SORCS2: variants seen among roughly 807,000 people sequenced by gnomAD.
SORCS2 encodes the protein sortilin related VPS10 domain containing receptor 2.
In SORCS2, 100 loss-of-function variants were observed where a neutral mutation model predicts 141.6. The ratio of observed to expected loss-of-function variants is 0.71; its 90% CI spans 0.60 to 0.83. The LOEUF (loss-of-function observed/expected upper bound fraction) is 0.83, where lower values mean the gene tolerates loss of function less well. Ranked by LOEUF, SORCS2 falls within the 40% of genes least tolerant of loss-of-function variation. The probability of loss-of-function intolerance (pLI) is 0.00; values close to 1 mark genes in which losing one functional copy is unlikely to be tolerated. For synonymous variants in SORCS2, 789 were observed against 676.9 expected (o/e 1.17, Z -2.57); for missense variants, 1,646 against 1,560.2 (o/e 1.05, Z -0.93).
intron 14 of SORCS2, among the ~76,000 whole-genome samples, chr4:7,712,330 C>T (rs995382273): frequency 1.3e-5 from 2 of 152,362 alleles, no homozygotes; most frequent in East Asian, 3.9e-4. Context: ...CAGACAGCTG[C>T]AGATGCAGCC....
At chr4:7,574,727 T>C (rs1298847831) in intron 3 of SORCS2, among the ~76,000 whole-genome samples, 2 of 152,300 alleles carry the variant, frequency 1.3e-5, no homozygotes, top group East Asian at 3.9e-4. Flanking sequence ...CAGGGCCTTT[T>C]AGGTCAACCC....
At position 7,286,261 on chromosome 4, in the gene SORCS2, A is replaced by G. The variant is rs576780764; in HGVS notation, c.480+93135A>G. Among the ~76,000 whole-genome samples the G allele has an allele frequency of 5.8e-4, 88 of 152,266 alleles. No individual in the cohort carries two copies. The highest frequency in any genetic ancestry group is 1.9e-3 in the African/African-American group (81 of 41,558). ...GCACAGCCTCATGGTGTCTCCGTAGAAAGAAGATAGAGGATGTGGGAGCCT... is the reference window on the plus strand; with the variant it reads ...GCACAGCCTCATGGTGTCTCCGTAGGAAGAAGATAGAGGATGTGGGAGCCT... On this transcript the variant is annotated intron_variant, in intron 1 of 26. Coordinates refer to ENST00000507866, the MANE Select transcript of SORCS2 (RefSeq NM_020777.3). This position sits in a 1 kb window ranked among gnomAD's most constrained non-coding sequence, Gnocchi z 4.1.
intron 1 of SORCS2, among the ~76,000 whole-genome samples, chr4:7,216,999 C>T (rs1044199962): frequency 7.2e-5 from 11 of 152,186 alleles, no homozygotes; most frequent in Non-Finnish European, 1.5e-4. Flanking sequence ...TGGCGGTTCC[C>T]GTGGCTCTTC....
At chr4:7,312,963 C>G (rs748528638) in intron 1 of SORCS2, among the ~76,000 whole-genome samples, 2 of 152,258 alleles carry the variant, frequency 1.3e-5, no homozygotes, top group Non-Finnish European at 2.9e-5. Context: ...TGATAGCTGG[C>G]TCCAGGGGAC....
chr4:7,674,722 C>G (rs193160866), intron 8 of SORCS2, among the ~76,000 whole-genome samples: 1 of 151,844 alleles, frequency 6.6e-6, no homozygotes, highest in South Asian at 2.1e-4. Context: ...CCCTGAGCCA[C>G]CTGCCAGGGC....
In SORCS2 at chr4:7,423,231, A is replaced by G. The variant is rs536021405; in HGVS notation, c.548+26876A>G. On this transcript the variant is annotated intron_variant, in intron 2 of 26. Coordinates refer to ENST00000507866, the MANE Select transcript of SORCS2 (RefSeq NM_020777.3). ...TAACCGCTCAGGCCTTAAATGCATTATTGCTGATGATATTATTTTAATGCA... is the reference window on the plus strand; with the variant it reads ...TAACCGCTCAGGCCTTAAATGCATTGTTGCTGATGATATTATTTTAATGCA... 2.0e-5 allele frequency among the ~76,000 whole-genome samples: 3 copies of G among 152,024 alleles called. No individual in the cohort carries two copies. The East Asian group carries it at 5.8e-4, about 29-fold the overall frequency.
chr4:7,558,092 G>A (rs895994473), intron 3 of SORCS2, among the ~76,000 whole-genome samples: 1 of 152,308 alleles, frequency 6.6e-6, no homozygotes, highest in East Asian at 1.9e-4. Flanking sequence ...CTCTGTCACT[G>A]CCCACTGTGC....
chr4:7,575,589 T>G (rs1715696269), intron 3 of SORCS2, among the ~76,000 whole-genome samples: 1 of 152,218 alleles, frequency 6.6e-6, no homozygotes, highest in Non-Finnish European at 1.5e-5. Context: ...GCAATAACAG[T>G]GCCAAGTATC....
chr4:7,391,057 CCG>C, intron 1 of SORCS2, among the ~76,000 whole-genome samples: 1 of 152,278 alleles, frequency 6.6e-6, no homozygotes, highest in Middle Eastern at 3.4e-3. Context: ...GGAGACCCTC[CCG>C]CAGTCTCCAA....
intron 2 of SORCS2, among the ~76,000 whole-genome samples, chr4:7,472,438 A>C (rs1328564393): frequency 1.3e-5 from 2 of 152,178 alleles, no homozygotes; most frequent in South Asian, 2.1e-4. Flanking sequence ...GAGTGTCCAC[A>C]GAGCCTGCAG....
intron 3 of SORCS2, among the ~76,000 whole-genome samples, chr4:7,541,954 C>T (rs1016588777): frequency 2.0e-5 from 3 of 152,218 alleles, no homozygotes; most frequent in Non-Finnish European, 1.5e-5. Flanking sequence ...ACTTTGGGTG[C>T]TTCTGGCCCC....
At chr4:7,599,584 G>T (rs997731745) in intron 3 of SORCS2, among the ~76,000 whole-genome samples, 1 of 152,158 alleles carries the variant, frequency 6.6e-6, no homozygotes, top group African/African-American at 2.4e-5. Context: ...GTCTGTCCCT[G>T]CTTCCCTGCA....
intron 1 of SORCS2, among the ~76,000 whole-genome samples, chr4:7,232,335 C>T (rs993483058): frequency 1.2e-4 from 19 of 152,184 alleles, no homozygotes; most frequent in Non-Finnish European, 2.4e-4. Flanking sequence ...TGAGCCAGCC[C>T]AGTGCCTGTT....
chr4:7,654,136 C>G lies in SORCS2; in HGVS notation c.816C>G (p.Leu272=). The stretch of plus-strand genomic sequence containing the variant: ...TGTTTCTTTTTTCTGCCCTAAAGCT[C>G]TACGTGTCATCTGACTTGGGGAAAA... ...KVLAYTKESK[L]YVSSDLGKKW... The change falls in exon 5 of 27, where the codon CTC becomes CTG. Residue 272 remains leucine (L), a splice_region_variant and synonymous_variant. Transcript: ENST00000507866. 1 of 1,575,674 alleles carries G rather than the reference C, an allele frequency of 6.3e-7. No individual in the cohort carries two copies.
rs6834755 is a variant in SORCS2, at chr4:7,201,262, C to G, written c.480+8136C>G. On this transcript the variant is annotated intron_variant, in intron 1 of 26. Transcript: ENST00000507866. The surrounding 1 kb of genome is among the most constrained non-coding windows in gnomAD (Gnocchi z 4.4). ...GAGCAGCCTGGAGCGCTCATGGGCA[C>G]AGGAGAGACTCGTGCGTTGATCAAG... Among the ~76,000 whole-genome samples the G allele has an allele frequency of 0.39, 59,155 of 152,086 alleles. 11,765 individuals carry two copies. Among genetic ancestry groups the G allele is most frequent in the East Asian group, 0.5 (2,559 of 5,158 alleles).
At chr4:7,603,110 T>C (rs1717842524) in intron 3 of SORCS2, among the ~76,000 whole-genome samples, 1 of 149,678 alleles carries the variant, frequency 6.7e-6, no homozygotes, top group Non-Finnish European at 1.5e-5. Context: ...ATGGCGGCAC[T>C]ACAGTTCAGC....
At chr4:7,551,280 C>T (rs868418278) in intron 3 of SORCS2, among the ~76,000 whole-genome samples, 21 of 68,628 alleles carry the variant, frequency 3.1e-4, no homozygotes, top group African/African-American at 7.5e-4. Context: ...GCCAGAGTTC[C>T]ATGGGTCTTC....
At chr4:7,254,500 TAGAC>T (rs1713715119) in intron 1 of SORCS2, among the ~76,000 whole-genome samples, 1 of 152,182 alleles carries the variant, frequency 6.6e-6, no homozygotes, top group Non-Finnish European at 1.5e-5. Flanking sequence ...TGTGGAGTGA[TAGAC>T]AGTGGAGACT....
intron 1 of SORCS2, among the ~76,000 whole-genome samples, chr4:7,244,653 G>T (rs1712955809): frequency 6.6e-6 from 1 of 152,160 alleles, no homozygotes; most frequent in East Asian, 1.9e-4. Flanking sequence ...AAGACTGAAG[G>T]CCCAGCAGAC....
Sources: allele counts gnomAD v4.1 joint callset (sites outside exome capture counted in the v4.1 genomes callset), GRCh38; gene constraint gnomAD v4.1.1; non-coding constraint Gnocchi (gnomAD v3.1); transcripts MANE v1.5; gene names NCBI Gene and HGNC (gene_info 2026-07-23, HGNC 2026-07-21).